DNHD1: variants seen among roughly 807,000 people sequenced by gnomAD.
DNHD1 encodes the protein dynein heavy chain domain-containing protein 1.
Under a neutral mutation model 458.1 loss-of-function variants are expected in DNHD1, and 383 were observed. The observed-to-expected ratio is 0.84, with a 90% CI of 0.77 to 0.91. The LOEUF (loss-of-function observed/expected upper bound fraction) is 0.91. Among genes scored for constraint, DNHD1 ranks in the 40% least tolerant of loss-of-function variants. The pLI is 0.00. For missense variants in DNHD1, 5,336 were observed against 5,866.1 expected (o/e 0.91, Z 2.95); for synonymous variants, 2,203 against 2,376.9 (o/e 0.93, Z 2.13).
At chr11:6,533,288 A>G (rs1307702158) in intron 13 of DNHD1, 104 bp downstream of exon 13, 1 of 1,222,962 alleles carries the variant, frequency 8.2e-7, no homozygotes, top group African/African-American at 1.5e-5. Context: ...GCAGAGCTTG[A>G]TGCTCTTAAA....
chr11:6,564,569 C>T lies in DNHD1; in HGVS notation c.10521C>T (p.Pro3507=), dbSNP rs752901568. 2.9e-5 allele frequency: 45 copies of T among 1,551,650 alleles called. No homozygotes were observed. Among genetic ancestry groups the T allele is most frequent in the Non-Finnish European group, 3.6e-5 (41 of 1,147,016 alleles). Reference sequence around the variant, plus strand: ...ACCCCCTGCTGGCTACACACTCTCCCTTCAGTATTCTGTCCTTGCTGAGCT... The same window carrying T: ...ACCCCCTGCTGGCTACACACTCTCCTTTCAGTATTCTGTCCTTGCTGAGCT... ...PKNPLLATHS[P]FSILSLLSSE... is the part of the protein sequence containing the mutation. Residue 3507 remains proline, a synonymous_variant, in exon 32 of 43, where the codon CCC becomes CCT. Coordinates refer to ENST00000254579, the MANE Select transcript of DNHD1 (RefSeq NM_144666.3).
intron 7 of DNHD1, among the ~76,000 whole-genome samples, chr11:6,516,868 A>T (rs543151899): frequency 6.6e-6 from 1 of 152,138 alleles, no homozygotes; most frequent in East Asian, 1.9e-4. Context: ...TCCTCCCTCT[A>T]TTCTTCCCAT....
chr11:6,557,109 C>T lies in DNHD1; in HGVS notation c.7814C>T (p.Pro2605Leu), dbSNP rs1016228473. Reference sequence around the variant, plus strand: ...CTACTGAGCAGCCTGCAGCTGCTGCCCAACAGAACAGGCTCCCGAGGTTTT... The same window carrying T: ...CTACTGAGCAGCCTGCAGCTGCTGCTCAACAGAACAGGCTCCCGAGGTTTT... ...SHLLSSLQLL[P>L]NRTGSRGFVD... The change falls in exon 25 of 43, where the codon CCC (proline) becomes CTC (leucine). Residue 2605 changes from proline to leucine, a missense_variant. This residue lies in a region of DNHD1 where 3,932 missense variants were observed against 4,365.6 expected (regional missense o/e 0.90). Transcript: ENST00000254579. The T allele has an allele frequency of 1.9e-6, 3 of 1,551,598 alleles. No individual in the cohort carries two copies. In the African/African-American group the frequency reaches 4.1e-5, roughly 21 times the overall value.
At chr11:6,499,996 ACT>A (rs1021791844) in intron 3 of DNHD1, among the ~76,000 whole-genome samples, 1 of 142,758 alleles carries the variant, frequency 7.0e-6, no homozygotes, top group African/African-American at 2.6e-5. Context: ...ACAGAGTCTC[ACT>A]CTGTCGCCCA....
intron 4 of DNHD1, among the ~76,000 whole-genome samples, chr11:6,504,957 T>C (rs768371886): frequency 4.0e-5 from 6 of 151,750 alleles, no homozygotes; most frequent in Non-Finnish European, 7.4e-5. Context: ...CAGCCTCCCA[T>C]GTGACTGGGA....
Position 6,557,956 on chromosome 11 carries a change from GCTGCT to G in DNHD1, c.8664_8668del (p.Leu2889GlyfsTer16). The G allele has an allele frequency of 6.4e-7, 1 of 1,551,632 alleles. No homozygotes were observed. The highest frequency in any genetic ancestry group is 1.2e-5 in the South Asian group (1 of 84,056). Reference sequence around the variant, plus strand: ...TGGCCAGGCCCCGGCAGCATGGCCTGCTGCTCTCGGGGGCTCTGGGTACTGGGCGC... The same window carrying G: ...TGGCCAGGCCCCGGCAGCATGGCCTGCTCGGGGGCTCTGGGTACTGGGCGC... On this transcript the variant is annotated frameshift_variant, in exon 25 of 43. Coordinates refer to ENST00000254579, the MANE Select transcript of DNHD1 (RefSeq NM_144666.3). LOFTEE classifies it high-confidence loss of function.
In DNHD1 at chr11:6,558,591, G is replaced by C; in HGVS notation, c.9109G>C (p.Ala3037Pro). 2 of 1,551,690 alleles carry C rather than the reference G, an allele frequency of 1.3e-6. No homozygotes were observed. Among genetic ancestry groups the C allele is most frequent in the South Asian group, 2.4e-5 (2 of 84,056 alleles). Residue 3037 changes from alanine (A) to proline (P), a missense_variant, in exon 26 of 43, where the codon GCC (alanine) becomes CCC (proline). Transcript: ENST00000254579. ...STLFLRLLQLATASIDRYEPW... is the reference protein window; with the variant it reads ...STLFLRLLQLPTASIDRYEPW... Reference sequence around the variant, plus strand: ...CCTTTTCCTGAGGCTCCTTCAACTGGCCACTGCCAGCATTGACCGCTATGA... The same window carrying C: ...CCTTTTCCTGAGGCTCCTTCAACTGCCCACTGCCAGCATTGACCGCTATGA...
At position 6,529,003 on chromosome 11, in the gene DNHD1, C is replaced by T. The variant is rs369635987; in HGVS notation, c.2229C>T (p.Tyr743=). The change falls in exon 12 of 43, where the codon TAC becomes TAT. Residue 743 remains tyrosine (Y), a synonymous_variant. Transcript: ENST00000254579. ...TGAGAGGTGGTCCCATCAAGAACTA[C>T]GTGACGCTGGTGAGCCGCCTGAATG... ...EDMRGGPIKN[Y]VTLVSRLNVW... The T allele has an allele frequency of 1.1e-4, 175 of 1,551,576 alleles. No individual in the cohort carries two copies. The highest frequency in any genetic ancestry group is 5.9e-4 in the East Asian group (24 of 40,924).
At chr11:6,503,072 T>G in intron 4 of DNHD1, 146 bp downstream of exon 4, 1 of 830,022 alleles carries the variant, frequency 1.2e-6, no homozygotes, top group South Asian at 2.1e-5. Flanking sequence ...CCCTCTCTCT[T>G]CCCTTCTCCT....
At chr11:6,526,607 T>TAA (rs11433645) in intron 10 of DNHD1, among the ~76,000 whole-genome samples, 6 of 151,780 alleles carry the variant, frequency 4.0e-5, no homozygotes, top group East Asian at 1.9e-4. Flanking sequence ...TTTTCTGTAT[T>TAA]AAAAAAAGAT....
intron 28 of DNHD1, 93 bp downstream of exon 28, chr11:6,559,376 T>C (rs558105862): frequency 3.7e-6 from 4 of 1,073,898 alleles, no homozygotes; most frequent in East Asian, 5.2e-5. Flanking sequence ...CCTTAATTCT[T>C]GTCCCCCTAA....
chr11:6,520,245 A>C lies in DNHD1; in HGVS notation c.1793A>C (p.Gln598Pro). 1.3e-6 allele frequency: 2 copies of C among 1,554,626 alleles called. No homozygotes were observed. The highest frequency in any genetic ancestry group is 1.7e-6 in the Non-Finnish European group (2 of 1,148,210). The stretch of plus-strand genomic sequence containing the variant: ...CCATATCCTGGCATGAAGGTAGTGC[A>C]GTCTGCAGACCTGAAGACCTCCTCG... ...SVKTSALQVV[Q>P]SADLKTSSDS... The change falls in exon 10 of 43, where the codon CAG becomes CCG. Residue 598 changes from glutamine to proline, a missense_variant. Transcript: ENST00000254579.
intron 24 of DNHD1, among the ~76,000 whole-genome samples, chr11:6,549,294 T>C (rs1190180030): frequency 6.6e-6 from 1 of 152,244 alleles, no homozygotes; most frequent in African/African-American, 2.4e-5. Context: ...AGTTTCACCA[T>C]CCAGCCAGTC....
At chr11:6,550,963 G>C (rs1589888292) in intron 24 of DNHD1, among the ~76,000 whole-genome samples, 3 of 152,090 alleles carry the variant, frequency 2.0e-5, no homozygotes. Context: ...CAAGGAGCAA[G>C]AAAGTAGGGA....
rs567541063 is a variant in DNHD1 at position 6,553,843 on chromosome 11, T to C, written c.7388-2840T>C. Among the ~76,000 whole-genome samples the C allele has an allele frequency of 3.9e-5, 6 of 152,214 alleles. No homozygotes were observed. In the South Asian group the frequency reaches 6.2e-4, roughly 16 times the overall value. On this transcript the variant is annotated intron_variant, in intron 24 of 42. Transcript: ENST00000254579. ...CTAAATATTGCTGAGATAGAGGAAA[T>C]GTAAATAAATGGAGAAATATATGAT...
chr11:6,504,593 G>A (rs975307254), intron 4 of DNHD1, among the ~76,000 whole-genome samples: 4 of 152,188 alleles, frequency 2.6e-5, no homozygotes, highest in African/African-American at 4.8e-5. Flanking sequence ...GGGATTACAG[G>A]CATGTGTCAC....
intron 12 of DNHD1, among the ~76,000 whole-genome samples, chr11:6,530,565 C>T (rs1183038906): frequency 6.6e-6 from 1 of 152,222 alleles, no homozygotes; most frequent in Non-Finnish European, 1.5e-5. Flanking sequence ...AGACTAGATC[C>T]TGTTGGACCC....
Position 6,546,092 on chromosome 11 carries a change from A to G in DNHD1, c.5153A>G (p.Glu1718Gly). The change falls in exon 21 of 43, where the codon GAG becomes GGG. Residue 1718 changes from glutamate (E) to glycine (G), a missense_variant. This residue lies in a region of DNHD1 where 3,932 missense variants were observed against 4,365.6 expected (regional missense o/e 0.90). Transcript: ENST00000254579. ...LVMLPCSPQI[E>G]AQCLSNYLNG... The stretch of plus-strand genomic sequence containing the variant: ...ATGCTACCCTGCTCACCTCAGATAG[A>G]GGCTCAATGCCTGAGCAACTATCTG... The G allele has an allele frequency of 1.3e-6, 2 of 1,551,518 alleles. No homozygotes were observed. The highest frequency in any genetic ancestry group is 1.7e-6 in the Non-Finnish European group (2 of 1,146,812).
Position 6,498,356 on chromosome 11 carries a change from G to A in DNHD1, c.141G>A (p.Lys47=), listed in dbSNP as rs1251440150. 1 of 1,614,240 alleles carries A rather than the reference G, an allele frequency of 6.2e-7. No homozygotes were observed. Among genetic ancestry groups the A allele is most frequent in the East Asian group, 2.2e-5 (1 of 44,884 alleles). Residue 47 remains lysine (K), a synonymous_variant, in exon 3 of 43, where the codon AAG becomes AAA. Coordinates refer to ENST00000254579, the MANE Select transcript of DNHD1 (RefSeq NM_144666.3). ...AGCAGAAACAGAGGCAGTTCGTGAA[G>A]CCAGTGACTGAGTCAGAGCAGCCCA... is the stretch of plus-strand genomic sequence containing the variant. The part of the protein sequence containing the change: ...ACQQKQRQFV[K]PVTESEQPTV...
Sources: allele counts gnomAD v4.1 joint callset (sites outside exome capture counted in the v4.1 genomes callset), GRCh38; gene constraint gnomAD v4.1.1; regional missense constraint gnomAD v4.1.1; transcripts MANE v1.5; gene names NCBI Gene and HGNC (gene_info 2026-07-23, HGNC 2026-07-21).